LSAMP: variants seen among roughly 807,000 people sequenced by gnomAD.
LSAMP encodes the protein limbic system-associated membrane protein.
A neutral mutation model predicts 38.6 loss-of-function variants in LSAMP; 7 were observed. That is an observed-to-expected ratio of 0.18 (90% CI 0.10 to 0.34). LSAMP has a LOEUF of 0.34. LSAMP is among the 10% of genes least tolerant of loss of function. LSAMP has a pLI of 1.00. For missense variants in LSAMP, 313 were observed against 420.0 expected, an observed-to-expected ratio of 0.75 and a Z score of 2.23; for synonymous variants, 154 against 166.8, an observed-to-expected ratio of 0.92 and a Z score of 0.59.
chr3:116,164,670 A>AAT (rs1199434535), intron 1 of LSAMP, among the ~76,000 whole-genome samples: 3 of 132,934 alleles, frequency 2.3e-5, no homozygotes, highest in Non-Finnish European at 3.2e-5. Flanking sequence ...ATATAATCCA[A>AAT]ATATATATAT....
intron 1 of LSAMP, among the ~76,000 whole-genome samples, chr3:116,429,093 G>T (rs1213037198): frequency 6.6e-6 from 1 of 152,100 alleles, no homozygotes; most frequent in African/African-American, 2.4e-5. Flanking sequence ...CAGTTGCCTG[G>T]CCCCACAGAC....
At chr3:116,433,785 T>A (rs898285658) in intron 1 of LSAMP, among the ~76,000 whole-genome samples, 2 of 152,126 alleles carry the variant, frequency 1.3e-5, no homozygotes, top group African/African-American at 4.8e-5. Context: ...CACCTAGCTC[T>A]CCAGGAAGGT....
At chr3:116,240,244 TTA>T (rs534384749) in intron 1 of LSAMP, among the ~76,000 whole-genome samples, 2 of 152,284 alleles carry the variant, frequency 1.3e-5, no homozygotes, top group African/African-American at 2.4e-5. Context: ...TGCATGCTAT[TTA>T]TGAGATCTAT....
At chr3:116,157,076 T>C (rs776734035) in intron 1 of LSAMP, among the ~76,000 whole-genome samples, 5 of 152,116 alleles carry the variant, frequency 3.3e-5, no homozygotes, top group African/African-American at 1.2e-4. Context: ...TCAAATACTT[T>C]GGATTATTAG....
chr3:115,806,232 A>T lies in LSAMP; in HGVS notation c.*4085T>A, dbSNP rs1175099135. 1 of 152,234 alleles carries T rather than the reference A, an allele frequency of 6.6e-6. No homozygotes were observed. The highest frequency in any genetic ancestry group is 2.4e-5 in the African/African-American group (1 of 41,460). The allele number at this position is 152,234 out of a possible 1,614,324, so 9.4% of individuals were successfully genotyped here. On this transcript the variant is annotated 3_prime_UTR_variant, in exon 7 of 7. Coordinates refer to ENST00000490035, the MANE Select transcript of LSAMP (RefSeq NM_002338.5). ...ATTTTCTTTCTAAACAACCAAATTC[A>T]GTACTTTTCTTCCTTTTAAGATCAA...
At chr3:116,150,679 T>C (rs1387569437) in intron 1 of LSAMP, among the ~76,000 whole-genome samples, 1 of 151,938 alleles carries the variant, frequency 6.6e-6, no homozygotes, top group Non-Finnish European at 1.5e-5. Context: ...GTTATCAAGA[T>C]GCAGTGAAAC....
chr3:116,242,365 A>G (rs943516076), intron 1 of LSAMP, among the ~76,000 whole-genome samples: 4 of 152,230 alleles, frequency 2.6e-5, no homozygotes, highest in Non-Finnish European at 5.9e-5. Context: ...TTAGAAAAGC[A>G]TTAGCAGGTT....
chr3:116,163,158 T>C (rs1408294714), intron 1 of LSAMP, among the ~76,000 whole-genome samples: 5 of 151,494 alleles, frequency 3.3e-5, no homozygotes, highest in East Asian at 2.0e-4. Context: ...ATGTGCCATG[T>C]TGGTGTGCTG....
At chr3:115,833,815 A>G (rs1250544147) in intron 6 of LSAMP, among the ~76,000 whole-genome samples, 1 of 152,112 alleles carries the variant, frequency 6.6e-6, no homozygotes, top group Non-Finnish European at 1.5e-5. Context: ...TTTAATTTCA[A>G]TGGTAGGTTG....
chr3:116,030,933 T>C (rs1474659790), intron 2 of LSAMP, among the ~76,000 whole-genome samples: 1 of 152,094 alleles, frequency 6.6e-6, no homozygotes. Flanking sequence ...ACATGACATA[T>C]CCTTAAAAAC....
At chr3:116,119,961 G>T (rs1240042420) in intron 1 of LSAMP, among the ~76,000 whole-genome samples, 5 of 152,064 alleles carry the variant, frequency 3.3e-5, no homozygotes, top group African/African-American at 9.7e-5. Context: ...GCCTGGCCAA[G>T]AAAATTTATT....
At chr3:115,935,335 T>C (rs1029974929) in intron 3 of LSAMP, among the ~76,000 whole-genome samples, 7 of 152,118 alleles carry the variant, frequency 4.6e-5, no homozygotes, top group South Asian at 4.1e-4. Flanking sequence ...CTTCTCTGCT[T>C]TCTGAAAGAG....
intron 1 of LSAMP, among the ~76,000 whole-genome samples, chr3:116,401,126 A>G (rs1284626582): frequency 6.6e-6 from 1 of 152,186 alleles, no homozygotes. Context: ...ACAACAAACT[A>G]TTGCTCACCT....
At chr3:116,007,511 ATATGT>A (rs1158801549) in intron 3 of LSAMP, among the ~76,000 whole-genome samples, 1 of 152,216 alleles carries the variant, frequency 6.6e-6, no homozygotes, top group African/African-American at 2.4e-5. Flanking sequence ...ATTTTAAGTG[ATATGT>A]TAGACTCAAA....
At chr3:116,284,153 A>G (rs1200129246) in intron 1 of LSAMP, among the ~76,000 whole-genome samples, 1 of 152,210 alleles carries the variant, frequency 6.6e-6, no homozygotes, top group African/African-American at 2.4e-5. Context: ...AAAATTGAAG[A>G]TGGTAAAGGT....
At chr3:116,167,102 A>G (rs1173280135) in intron 1 of LSAMP, among the ~76,000 whole-genome samples, 1 of 151,878 alleles carries the variant, frequency 6.6e-6, no homozygotes, top group Non-Finnish European at 1.5e-5. Context: ...TAAAATTTTT[A>G]ATTTTTTTAA....
intron 1 of LSAMP, among the ~76,000 whole-genome samples, chr3:116,132,492 A>G (rs573505596): frequency 6.6e-6 from 1 of 152,316 alleles, no homozygotes; most frequent in Non-Finnish European, 1.5e-5. Flanking sequence ...CCTTTGTGAA[A>G]CAGGTACTGT....
chr3:115,851,330 C>CT (rs1353514513), intron 4 of LSAMP, among the ~76,000 whole-genome samples: 4 of 152,120 alleles, frequency 2.6e-5, no homozygotes, highest in African/African-American at 7.2e-5. Context: ...TTGCAAAGTC[C>CT]TTATCTTCCT....
chr3:115,957,476 A>G (rs941835919), intron 3 of LSAMP, among the ~76,000 whole-genome samples: 5 of 152,082 alleles, frequency 3.3e-5, no homozygotes, highest in African/African-American at 7.2e-5. Context: ...ATTTGAGAAG[A>G]CCTAAACCCC....
Sources: gnomAD v4.1 joint callset for allele counts (sites outside exome capture counted in the v4.1 genomes callset) on GRCh38, gnomAD v4.1.1 for gene constraint, MANE v1.5 for transcripts, NCBI Gene and HGNC (gene_info 2026-07-23, HGNC 2026-07-21) for gene names.